Variants in CELF2 observed in about 807,000 individuals in gnomAD.
The protein encoded by CELF2 is CUG triplet repeat RNA-binding protein 2.
A neutral mutation model predicts 62.6 loss-of-function variants in CELF2; 8 were observed. That is an observed-to-expected ratio of 0.13 (90% CI 0.07 to 0.23). The LOEUF (loss-of-function observed/expected upper bound fraction) is 0.23. Among genes scored for constraint, CELF2 ranks in the 10% least tolerant of loss-of-function variants. CELF2 has a pLI of 1.00. For missense variants in CELF2, 333 were observed against 671.0 expected (o/e 0.50, Z 5.56); for synonymous variants, 258 against 250.0 (o/e 1.03, Z -0.30).
rs1023138251 is a variant in CELF2, at chr10:11,165,754, C to T, written c.271+72C>T. 1.8e-5 allele frequency: 25 copies of T among 1,417,398 alleles called. 1 individual carries two copies. In the Admixed American group the frequency reaches 5.5e-4, roughly 31 times the overall value. The allele number at this position is 1,417,398 out of a possible 1,614,324, so 87.8% of individuals were successfully genotyped here. ...CGGGGCACTGGGGCTGTCCGAGCCC[C>T]CAGCCTGCAGGAGGAAGGGCGGGTA... On this transcript the variant is annotated intron_variant, in intron 2 of 12. Coordinates refer to ENST00000633077, the MANE Select transcript of CELF2 (RefSeq NM_001326342.2). This position sits in a 1 kb window ranked among gnomAD's most constrained non-coding sequence, Gnocchi z 7.4.
chr10:10,959,441 A>G (rs368468220), intron 2 of CELF2, among the ~76,000 whole-genome samples: 1 of 152,208 alleles, frequency 6.6e-6, no homozygotes, highest in Non-Finnish European at 1.5e-5. Context: ...ATCATCTTCC[A>G]CAAGTATTTA....
the CELF2 span, among the ~76,000 whole-genome samples, chr10:10,551,809 A>C: frequency 6.6e-6 from 1 of 151,906 alleles, no homozygotes; most frequent in Admixed American, 6.6e-5. Context: ...TTGATATTTA[A>C]CTTCCTTGCC....
intron 1 of CELF2, among the ~76,000 whole-genome samples, chr10:11,033,415 A>G (rs7087009): frequency 0.99 from 150,341 of 152,222 alleles, 74,269 homozygotes; most frequent in East Asian, 1. Context: ...GCGCCACCAC[A>G]CCCGGCTAAT....
the CELF2 span, among the ~76,000 whole-genome samples, chr10:10,560,506 C>T: frequency 6.6e-6 from 1 of 152,126 alleles, no homozygotes; most frequent in Non-Finnish European, 1.5e-5. Flanking sequence ...GTCTTTGATT[C>T]ACTCACCGGT....
In CELF2 at chr10:11,165,791, T is replaced by C. The variant is rs1290364580; in HGVS notation, c.271+109T>C. On this transcript the variant is annotated intron_variant, in intron 2 of 12. Transcript: ENST00000633077. The surrounding 1 kb of genome is among the most constrained non-coding windows in gnomAD (Gnocchi z 7.4). ...AGGAAGGGCGGGTAGGCAGGAGGGCTGGAAGCAGCCGGTGCTGGCGGCCCC... is the reference window on the plus strand; with the variant it reads ...AGGAAGGGCGGGTAGGCAGGAGGGCCGGAAGCAGCCGGTGCTGGCGGCCCC... 4 of 1,063,276 alleles carry C rather than the reference T, an allele frequency of 3.8e-6. No homozygotes were observed. Among genetic ancestry groups the C allele is most frequent in the Non-Finnish European group, 5.3e-6 (4 of 756,544 alleles). The allele number at this position is 1,063,276 out of a possible 1,614,324, so 65.9% of individuals were successfully genotyped here.
intron 9 of CELF2, among the ~76,000 whole-genome samples, chr10:11,308,949 A>G (rs553895272): frequency 6.6e-6 from 1 of 152,382 alleles, no homozygotes; most frequent in African/African-American, 2.4e-5. Flanking sequence ...TGTAAAATGC[A>G]AAAAAGAATT....
At chr10:10,951,836 T>C (rs1306416057) in intron 2 of CELF2, 1 of 152,384 alleles carries the variant, frequency 6.6e-6, no homozygotes, top group African/African-American at 2.4e-5. Flanking sequence ...AGCCCAAACA[T>C]ATTGAAGTCA....
chr10:10,480,353 TGA>T, the CELF2 span, among the ~76,000 whole-genome samples: 1 of 152,178 alleles, frequency 6.6e-6, no homozygotes, highest in Non-Finnish European at 1.5e-5. Context: ...CAGGTTTATT[TGA>T]GAGTCAGCTC....
the CELF2 span, among the ~76,000 whole-genome samples, chr10:10,541,458 C>A: frequency 6.6e-6 from 1 of 152,138 alleles, no homozygotes; most frequent in Non-Finnish European, 1.5e-5. Context: ...ATAGGTAGAG[C>A]AGCCCCAAGG....
At chr10:11,152,078 AC>A (rs2063443041) in intron 1 of CELF2, among the ~76,000 whole-genome samples, 1 of 152,172 alleles carries the variant, frequency 6.6e-6, no homozygotes, top group South Asian at 2.1e-4. Flanking sequence ...TATATCCTAG[AC>A]CTTGGGTTTG....
At position 11,285,878 on chromosome 10, in the gene CELF2, T is replaced by TGTGTGTGTG. The variant is rs1491346882; in HGVS notation, c.842-2540_842-2539insGTGTGTGTG. On this transcript the variant is annotated intron_variant, in intron 8 of 12. Transcript: ENST00000633077. This position sits in a 1 kb window ranked among gnomAD's most constrained non-coding sequence, Gnocchi z 4.3. ...GTGTGTGTGTGTGTGTGTGTGTGTG[T>TGTGTGTGTG]TTTTACATGGACTTGAAAATGAGTA... Among the ~76,000 whole-genome samples the TGTGTGTGTG allele has an allele frequency of 2.6e-4, 27 of 105,082 alleles. No homozygotes were observed. Among genetic ancestry groups the TGTGTGTGTG allele is most frequent in the South Asian group, 1.4e-3 (5 of 3,464 alleles). The allele number at this position is 105,082 out of a possible 152,430, so 68.9% of individuals were successfully genotyped here.
chr10:10,968,455 C>T (rs1297921597), intron 2 of CELF2, among the ~76,000 whole-genome samples: 1 of 152,154 alleles, frequency 6.6e-6, no homozygotes, highest in Non-Finnish European at 1.5e-5. Context: ...CTTTCTGTTT[C>T]TCCTGTTGTC....
In CELF2 at chr10:11,165,011, C is replaced by G. The variant is rs2066632547; in HGVS notation, c.75-475C>G. 1.0e-6 allele frequency: 1 copy of G among 967,148 alleles called. No individual in the cohort carries two copies. Among genetic ancestry groups the G allele is most frequent in the Non-Finnish European group, 1.2e-6 (1 of 812,800 alleles). 59.9% of individuals were successfully genotyped at this position (967,148 alleles called of 1,614,324 possible). A position where few individuals can be genotyped will look rare whatever the true frequency, so the allele number is the denominator to read the frequency against. ...ACTTTATTATTACCACCTCTCTCCT[C>G]TCTTCCAAAAACCTCCCAAAAAGGG... is the stretch of plus-strand genomic sequence containing the variant. On this transcript the variant is annotated intron_variant, in intron 1 of 12. Transcript: ENST00000633077. This position sits in a 1 kb window ranked among gnomAD's most constrained non-coding sequence, Gnocchi z 7.4.
chr10:10,644,536 C>T, the CELF2 span, among the ~76,000 whole-genome samples: 1 of 151,998 alleles, frequency 6.6e-6, no homozygotes, highest in South Asian at 2.1e-4. Flanking sequence ...TGAACCAAAC[C>T]CTGTGACTCA....
chr10:11,291,798 T>TA (rs2092565245), intron 9 of CELF2, among the ~76,000 whole-genome samples: 1 of 152,208 alleles, frequency 6.6e-6, no homozygotes, highest in Admixed American at 6.5e-5. Context: ...AGCTAGGTAT[T>TA]AAAGAAGATA....
At chr10:11,278,348 A>C (rs2086906960) in intron 8 of CELF2, among the ~76,000 whole-genome samples, 1 of 152,136 alleles carries the variant, frequency 6.6e-6, no homozygotes, top group Non-Finnish European at 1.5e-5. Flanking sequence ...TTTTATATCT[A>C]CTTTTTGTGC....
chr10:10,774,266 C>G, the CELF2 span, among the ~76,000 whole-genome samples: 1 of 152,194 alleles, frequency 6.6e-6, no homozygotes, highest in Non-Finnish European at 1.5e-5. Flanking sequence ...GCACACGGTA[C>G]ACATAGACAA....
Position 10,957,076 on chromosome 10 carries a change from G to C in CELF2, c.89+37077G>C, listed in dbSNP as rs1380456806. Among the ~76,000 whole-genome samples the C allele has an allele frequency of 2.6e-5, 4 of 152,170 alleles. No homozygotes were observed. The highest frequency in any genetic ancestry group is 5.9e-5 in the Non-Finnish European group (4 of 68,038). On this transcript the variant is annotated intron_variant, in intron 2 of 13. Coordinates refer to the CELF2 transcript ENST00000636488. The surrounding 1 kb of genome is among the most constrained non-coding windows in gnomAD (Gnocchi z 4.1). ...TGACATCTAAGCACTTCAGGATCAA[G>C]TGTAGACTCTTGCACAAGGGAGCTC...
At chr10:10,680,589 T>G in the CELF2 span, among the ~76,000 whole-genome samples, 1 of 152,212 alleles carries the variant, frequency 6.6e-6, no homozygotes, top group Admixed American at 6.5e-5. Flanking sequence ...CCCAGTTACA[T>G]AAACACGTTG....
Sources: gnomAD v4.1 joint callset for allele counts (sites outside exome capture counted in the v4.1 genomes callset) on GRCh38, gnomAD v4.1.1 for gene constraint, Gnocchi (gnomAD v3.1) non-coding constraint, MANE v1.5 for transcripts, NCBI Gene and HGNC (gene_info 2026-07-23, HGNC 2026-07-21) for gene names.